Variants in EML2 observed in about 807,000 individuals in gnomAD.
EML2 encodes echinoderm microtubule-associated protein-like 2.
In EML2, 59 loss-of-function variants were observed where a neutral mutation model predicts 84.7. The observed-to-expected ratio is 0.70, with a 90% CI of 0.56 to 0.86. The LOEUF is 0.86. EML2 is among the 40% of genes least tolerant of loss of function. EML2 has a pLI of 0.00. For missense variants in EML2, 818 were observed against 855.6 expected (o/e 0.96, Z 0.55); for synonymous variants, 352 against 348.9 (o/e 1.01, Z -0.10).
chr19:45,615,519 A>AAATAAT (rs56322389), intron 16 of EML2, among the ~76,000 whole-genome samples: 19,103 of 139,054 alleles, frequency 0.14, 1,472 homozygotes, highest in Non-Finnish European at 0.17. Context: ...CTCCGTCTCA[A>AAATAAT]AATAATAATA....
chr19:45,610,081 A>C (rs924925693), intron 18 of EML2, among the ~76,000 whole-genome samples: 1 of 152,180 alleles, frequency 6.6e-6, no homozygotes, highest in Non-Finnish European at 1.5e-5. Flanking sequence ...CAGTGTTACC[A>C]GGGCTAATAA....
chr19:45,629,896 T>C (rs1401103414), intron 7 of EML2, 55 bp downstream of exon 7: 1 of 1,368,174 alleles, frequency 7.3e-7, no homozygotes, highest in Non-Finnish European at 1.0e-6. Flanking sequence ...ACCACTGAGA[T>C]TGGGAAAGTC....
upstream of EML2, chr19:45,643,662 G>A: frequency 6.5e-7 from 1 of 1,536,098 alleles, no homozygotes; most frequent in Non-Finnish European, 8.7e-7. Context: ...CGGGGACAGG[G>A]CGTGGAGCTC....
Position 45,616,668 on chromosome 19 carries a change from A to T in EML2, c.1411+97T>A. 3 of 1,399,560 alleles carry T rather than the reference A, an allele frequency of 2.1e-6. No individual in the cohort carries two copies. In the Admixed American group the frequency reaches 5.5e-5, roughly 26 times the overall value. The allele number at this position is 1,399,560 out of a possible 1,614,324, so 86.7% of individuals were successfully genotyped here. On this transcript the variant is annotated intron_variant, in intron 14 of 18. Transcript: ENST00000245925. Reference sequence around the variant, plus strand: ...GCTCCATCCCCACTGCATCCCTCCTAGGCCTCGCTTCGCAGGCTCCACCCC... The same window carrying T: ...GCTCCATCCCCACTGCATCCCTCCTTGGCCTCGCTTCGCAGGCTCCACCCC...
chr19:45,612,849 C>A (rs1466964897), intron 18 of EML2, among the ~76,000 whole-genome samples: 1 of 151,968 alleles, frequency 6.6e-6, no homozygotes, highest in African/African-American at 2.4e-5. Flanking sequence ...AACAATCCCT[C>A]TTCTGTTAGA....
chr19:45,642,375 C>T (rs1039054225), upstream of EML2: 30 of 1,525,746 alleles, frequency 2.0e-5, no homozygotes, highest in Non-Finnish European at 2.5e-5. Context: ...GGAGTGCCGG[C>T]TGCAGGGCCA....
chr19:45,638,613 A>G lies in EML2; in HGVS notation c.71T>C (p.Phe24Ser). Residue 24 changes from phenylalanine to serine, a missense_variant, in exon 3 of 19, where the codon TTC becomes TCC. Phe to Ser is a radical substitution (Grantham distance 155). Transcript: ENST00000245925. ...CATGGGCACAGGGCGGCCCCTCAGG[A>G]ACATTTTCACGGAGCCATCCTCTGC... is the stretch of plus-strand genomic sequence containing the variant. ...FSVEDGSVKM[F>S]LRGRPVPMMI... is the part of the protein sequence containing the mutation. The G allele has an allele frequency of 6.2e-7, 1 of 1,614,024 alleles. No homozygotes were observed. Among genetic ancestry groups the G allele is most frequent in the South Asian group, 1.1e-5 (1 of 91,078 alleles).
upstream of EML2, chr19:45,641,318 C>G: frequency 3.6e-6 from 1 of 279,512 alleles, no homozygotes; most frequent in East Asian, 7.8e-5. Flanking sequence ...GACTTCATCC[C>G]TGAAACTCAA....
intron 9 of EML2, 43 bp from the exon 10 acceptor site, chr19:45,621,680 C>T (rs1971733522): frequency 1.3e-6 from 2 of 1,578,372 alleles, no homozygotes; most frequent in Non-Finnish European, 1.7e-6. Flanking sequence ...AGAAGCCACC[C>T]CTATGCTGAC....
At chr19:45,645,218 A>G, upstream of EML2, 2 of 1,505,878 alleles carry the variant, frequency 1.3e-6, no homozygotes, top group Non-Finnish European at 1.8e-6. Flanking sequence ...TGGGGCAAGA[A>G]GAGATGGGTC....
chr19:45,609,542 C>CG lies in EML2; in HGVS notation c.*120_*121insC. On this transcript the variant is annotated 3_prime_UTR_variant, in exon 19 of 19. Transcript: ENST00000245925. ...AGAGACTTCTGTATGTCAGTCTACCCTCCCGCCCCCATAACCCCCTCTGCT... is the reference window on the plus strand; with the variant it reads ...AGAGACTTCTGTATGTCAGTCTACCCGTCCCGCCCCCATAACCCCCTCTGCT... The CG allele has an allele frequency of 1.8e-6, 2 of 1,107,236 alleles. No individual in the cohort carries two copies. Among genetic ancestry groups the CG allele is most frequent in the Non-Finnish European group, 2.4e-6 (2 of 835,282 alleles). 68.6% of individuals were successfully genotyped at this position (1,107,236 alleles called of 1,614,324 possible).
intron 12 of EML2, among the ~76,000 whole-genome samples, chr19:45,618,617 A>C (rs1317230383): frequency 1.3e-5 from 2 of 151,860 alleles, no homozygotes; most frequent in Non-Finnish European, 2.9e-5. Context: ...GCTTCTAAGC[A>C]CCCAGTTCCC....
chr19:45,643,141 ACGAAGATTCTGTTATGAATAC>A (rs977887663), upstream of EML2, among the ~76,000 whole-genome samples: 5 of 152,248 alleles, frequency 3.3e-5, no homozygotes, highest in Non-Finnish European at 7.3e-5. Flanking sequence ...ACATCCTCCG[ACGAAGATTCTGTTATGAATAC>A]CAACGTCTCT....
rs530327159 is a variant in EML2 at position 45,639,274 on chromosome 19, G to A, written c.20+83C>T. On this transcript the variant is annotated intron_variant, in intron 1 of 18. Coordinates refer to ENST00000245925, the MANE Select transcript of EML2 (RefSeq NM_012155.4). The stretch of plus-strand genomic sequence containing the variant: ...GGGGCGTGTCCCCACGCCGGTCTGG[G>A]TCCCAGGGGTTGGGTGAAACCTGAG... 2.6e-5 allele frequency: 33 copies of A among 1,284,988 alleles called. No homozygotes were observed. The African/African-American group carries it at 4.2e-4, about 16-fold the overall frequency. The allele number at this position is 1,284,988 out of a possible 1,614,324, so 79.6% of individuals were successfully genotyped here.
chr19:45,632,762 G>C, intron 6 of EML2, 99 bp downstream of exon 6: 1 of 1,038,526 alleles, frequency 9.6e-7, no homozygotes, highest in Non-Finnish European at 1.4e-6. Context: ...CCTCCAGCAG[G>C]ATTCCCGGCC....
Position 45,616,505 on chromosome 19 carries a change from C to T in EML2, c.1465G>A (p.Val489Met). ...SHDNLVYVYT[V>M]DQGGRKVSRL... ...CTGACCTTGCGGCCGCCCTGGTCCACCGTGTACACGTACACCAAGTTGTCG... is the reference window on the plus strand; with the variant it reads ...CTGACCTTGCGGCCGCCCTGGTCCATCGTGTACACGTACACCAAGTTGTCG... The change falls in exon 15 of 19, where the codon GTG becomes ATG. Residue 489 changes from valine (V) to methionine (M), a missense_variant. Coordinates refer to ENST00000245925, the MANE Select transcript of EML2 (RefSeq NM_012155.4). 6.2e-7 allele frequency: 1 copy of T among 1,607,658 alleles called. No homozygotes were observed. Among genetic ancestry groups the T allele is most frequent in the Non-Finnish European group, 8.5e-7 (1 of 1,175,354 alleles).
At chr19:45,615,532 A>T (rs1970942964) in intron 16 of EML2, among the ~76,000 whole-genome samples, 1 of 146,412 alleles carries the variant, frequency 6.8e-6, no homozygotes, top group African/African-American at 2.5e-5. Flanking sequence ...TAATAATAAT[A>T]ATAATAATAA....
chr19:45,620,986 G>T, intron 11 of EML2: 1 of 674,774 alleles, frequency 1.5e-6, no homozygotes, highest in Non-Finnish European at 2.7e-6. Flanking sequence ...GTGGCAGGAG[G>T]CAGCACAGTT....
chr19:45,632,824 G>A (rs1453864102), intron 6 of EML2, 37 bp downstream of exon 6: 1 of 1,579,550 alleles, frequency 6.3e-7, no homozygotes, highest in South Asian at 1.1e-5. Flanking sequence ...TCCTTTTCGG[G>A]GCGAAGGGGC....
Sources: allele counts gnomAD v4.1 joint callset (sites outside exome capture counted in the v4.1 genomes callset), GRCh38; gene constraint gnomAD v4.1.1; transcripts MANE v1.5; gene names NCBI Gene and HGNC (gene_info 2026-07-23, HGNC 2026-07-21).